TNS1: variants seen among roughly 807,000 people sequenced by gnomAD.
TNS1 encodes tensin 1, also known as tensin-1.
A neutral mutation model predicts 168.6 loss-of-function variants in TNS1; 62 were observed. The observed-to-expected ratio is 0.37, with a 90% CI of 0.30 to 0.45. The LOEUF is 0.45. Among genes scored for constraint, TNS1 ranks in the 20% least tolerant of loss-of-function variants. The probability of loss-of-function intolerance (pLI) is 1.00; values close to 1 mark genes in which losing one functional copy is unlikely to be tolerated. For missense variants in TNS1, 2,240 were observed against 2,339.4 expected (o/e 0.96, Z 0.88); for synonymous variants, 934 against 933.2 (o/e 1.00, Z -0.02).
intron 19 of TNS1, among the ~76,000 whole-genome samples, chr2:217,838,370 C>T (rs2125344167): frequency 6.6e-6 from 1 of 152,352 alleles, no homozygotes; most frequent in Non-Finnish European, 1.5e-5. Flanking sequence ...GCAGGGGGCA[C>T]CTGACATCCG....
chr2:217,918,486 G>A (rs1006046099), intron 4 of TNS1, among the ~76,000 whole-genome samples: 7 of 152,190 alleles, frequency 4.6e-5, no homozygotes, highest in Non-Finnish European at 7.3e-5. Context: ...ACAGAGACAC[G>A]CAGCCTTGCT....
chr2:218,017,394 A>G (rs1002284721), intron 1 of TNS1, among the ~76,000 whole-genome samples: 1 of 152,254 alleles, frequency 6.6e-6, no homozygotes, highest in Non-Finnish European at 1.5e-5. Context: ...CATCCCTGCC[A>G]GGGCCCTGCC....
In TNS1 at chr2:217,880,170, C is replaced by T. The variant is rs1273252791; in HGVS notation, c.1429+728G>A. On this transcript the variant is annotated intron_variant, in intron 18 of 32. Transcript: ENST00000682258. This position sits in a 1 kb window ranked among gnomAD's most constrained non-coding sequence, Gnocchi z 4.2. Reference sequence around the variant, plus strand: ...ATGCTCACTTTCGGAGCCCGCCCCACGTCTCCTTACACATATGCAGATAGA... The same window carrying T: ...ATGCTCACTTTCGGAGCCCGCCCCATGTCTCCTTACACATATGCAGATAGA... Among the ~76,000 whole-genome samples, 4 of 152,178 alleles carry T rather than the reference C, an allele frequency of 2.6e-5. No individual in the cohort carries two copies. Among genetic ancestry groups the T allele is most frequent in the South Asian group, 2.1e-4 (1 of 4,830 alleles).
At position 217,801,198 on chromosome 2, in the gene TNS1, G is replaced by T. The variant is rs1411513211; in HGVS notation, c.*3261C>A. 2 of 152,228 alleles carry T rather than the reference G, an allele frequency of 1.3e-5. No individual in the cohort carries two copies. The highest frequency in any genetic ancestry group is 3.8e-4 in the East Asian group (2 of 5,198). The allele number at this position is 152,228 out of a possible 1,614,324, so 9.4% of individuals were successfully genotyped here. On this transcript the variant is annotated 3_prime_UTR_variant, in exon 33 of 33. Coordinates refer to ENST00000682258, the MANE Select transcript of TNS1 (RefSeq NM_001387777.1). The stretch of plus-strand genomic sequence containing the variant: ...GTCCCTTAAGCGCCTGGCTAAATAA[G>T]AGAGCCAGAACACCGTGATAGCAGG...
At chr2:217,943,078 G>C (rs540887149) in intron 3 of TNS1, among the ~76,000 whole-genome samples, 19 of 152,248 alleles carry the variant, frequency 1.2e-4, no homozygotes, top group Admixed American at 1.1e-3. Flanking sequence ...CAGGAGGGGT[G>C]GGGGGAGAGG....
chr2:217,916,713 C>A (rs1035634413), intron 4 of TNS1, among the ~76,000 whole-genome samples: 1 of 152,124 alleles, frequency 6.6e-6, no homozygotes, highest in Non-Finnish European at 1.5e-5. Context: ...CTGGCTGGCC[C>A]GGGCACAGGT....
chr2:217,894,821 A>C (rs1346853026), intron 9 of TNS1, among the ~76,000 whole-genome samples, 185 bp downstream of exon 9: 1 of 152,168 alleles, frequency 6.6e-6, no homozygotes, highest in African/African-American at 2.4e-5. Context: ...CACTGCCCCA[A>C]GCTTTGCTTT....
intron 3 of TNS1, among the ~76,000 whole-genome samples, chr2:217,976,699 G>A (rs1458643367): frequency 1.3e-5 from 2 of 152,214 alleles, no homozygotes; most frequent in African/African-American, 4.8e-5. Context: ...CATGCACAAG[G>A]CTACTGCATG....
chr2:217,922,230 G>A (rs939660117), intron 3 of TNS1, among the ~76,000 whole-genome samples: 3 of 152,198 alleles, frequency 2.0e-5, no homozygotes, highest in South Asian at 2.1e-4. Flanking sequence ...CCCTGCCCAC[G>A]AGACCAGGTC....
intron 32 of TNS1, among the ~76,000 whole-genome samples, chr2:217,805,466 CCA>C (rs1559131503): frequency 1.1e-3 from 82 of 71,542 alleles, no homozygotes; most frequent in South Asian, 3.4e-3. Context: ...ACACACACCA[CCA>C]CACACACCAC....
chr2:217,874,471 C>G (rs1272739607), intron 18 of TNS1, among the ~76,000 whole-genome samples: 1 of 152,120 alleles, frequency 6.6e-6, no homozygotes, highest in Non-Finnish European at 1.5e-5. Context: ...CCATTATCCT[C>G]AATTTGCTGA....
chr2:217,977,679 T>C (rs1559396940), intron 3 of TNS1, among the ~76,000 whole-genome samples: 1 of 152,170 alleles, frequency 6.6e-6, no homozygotes, highest in Non-Finnish European at 1.5e-5. Context: ...TATTCCCATA[T>C]CCTTGAGAAT....
intron 4 of TNS1, among the ~76,000 whole-genome samples, chr2:217,916,399 A>G (rs1489258770): frequency 6.6e-6 from 1 of 151,964 alleles, no homozygotes; most frequent in Non-Finnish European, 1.5e-5. Flanking sequence ...TGTGCACATC[A>G]TTCCACCCCC....
At chr2:218,012,589 C>T (rs1574480880), upstream of TNS1, among the ~76,000 whole-genome samples, 1 of 152,180 alleles carries the variant, frequency 6.6e-6, no homozygotes, top group Admixed American at 6.5e-5. Flanking sequence ...GAAGCCAGGC[C>T]TGCCACTGCC....
At chr2:218,008,129 A>G (rs991562954) in intron 1 of TNS1, among the ~76,000 whole-genome samples, 6 of 151,878 alleles carry the variant, frequency 4.0e-5, no homozygotes, top group Admixed American at 6.6e-5. Context: ...CCCTTCCCCT[A>G]CCGCCCCTTC....
intron 18 of TNS1, among the ~76,000 whole-genome samples, chr2:217,871,656 C>T (rs1439926235): frequency 6.6e-6 from 1 of 152,284 alleles, no homozygotes; most frequent in Non-Finnish European, 1.5e-5. Context: ...CCCACAGCCC[C>T]ACCCAGAGTG....
rs757983950 is a variant in TNS1, at chr2:217,818,013, A to G, written c.4319T>C (p.Leu1440Pro). ...YSTPEDRRPT[L>P]SRQSSASGYQ... ...GCCAGAGGCACTGCTCTGCCGGGAC[A>G]GTGTGGGTCTCCGATCCTCCGGGGT... Residue 1440 changes from leucine (L) to proline (P), a missense_variant, in exon 24 of 33, where the codon CTG becomes CCG. Around this residue, in one of 2 missense-constraint regions of TNS1, gnomAD observed 2,131 missense variants for 2,171.2 expected, o/e 0.98. Transcript: ENST00000682258. 1.3e-6 allele frequency: 2 copies of G among 1,597,878 alleles called. No individual in the cohort carries two copies. Among genetic ancestry groups the G allele is most frequent in the Admixed American group, 1.8e-5 (1 of 56,622 alleles).
chr2:217,886,097 C>T lies in TNS1; in HGVS notation c.987G>A (p.Arg329=), dbSNP rs1951175226. The change falls in exon 14 of 33, where the codon CGG becomes CGA. Residue 329 remains arginine (R), a synonymous_variant. Transcript: ENST00000682258. ...IPNFESKGGC[R]PFLRIYQAMQ... is the part of the protein sequence containing the mutation. ...TGGCCTGGTAGATGCGGAGAAATGG[C>T]CGACATCCTGTAAAAGTGGGGTGGG... 1.2e-6 allele frequency: 2 copies of T among 1,613,418 alleles called. No homozygotes were observed. The highest frequency in any genetic ancestry group is 2.7e-5 in the African/African-American group (2 of 74,760).
At chr2:217,894,860 T>C in intron 9 of TNS1, 146 bp downstream of exon 9, 1 of 794,962 alleles carries the variant, frequency 1.3e-6, no homozygotes, top group Non-Finnish European at 2.1e-6. Context: ...AAATGATAAG[T>C]AGATCATTTT....
Sources: gnomAD v4.1 joint callset for allele counts (sites outside exome capture counted in the v4.1 genomes callset) on GRCh38, gnomAD v4.1.1 for gene constraint, gnomAD v4.1.1 regional missense constraint, Gnocchi (gnomAD v3.1) non-coding constraint, MANE v1.5 for transcripts, NCBI Gene and HGNC (gene_info 2026-07-23, HGNC 2026-07-21) for gene names.